The following STIM1 variants were observed in gnomAD, a reference collection of about 807,000 sequenced individuals.
The protein encoded by STIM1 is stromal interaction molecule 1.
Under a neutral mutation model 74.7 loss-of-function variants are expected in STIM1, and 25 were observed. That is an observed-to-expected ratio of 0.33 (90% CI 0.24 to 0.47). The LOEUF (loss-of-function observed/expected upper bound fraction) is 0.47. STIM1 is among the 20% of genes least tolerant of loss of function. STIM1 has a pLI of 1.00. For synonymous variants in STIM1, 328 were observed against 348.8 expected (o/e 0.94, Z 0.66); for missense variants, 728 against 920.8 (o/e 0.79, Z 2.71).
At chr11:4,058,866 A>C in intron 4 of STIM1, 1 of 1,048,658 alleles carries the variant, frequency 9.5e-7, no homozygotes, top group Non-Finnish European at 1.2e-6. Context: ...AGGATAATTC[A>C]TAAATCCCAG....
chr11:3,964,601 C>T (rs1470125040), intron 1 of STIM1, among the ~76,000 whole-genome samples: 2 of 152,162 alleles, frequency 1.3e-5, no homozygotes, highest in Non-Finnish European at 2.9e-5. Flanking sequence ...AGCCTGGAGG[C>T]CCCAAACCCT....
chr11:3,911,300 T>G (rs999135351), intron 1 of STIM1, among the ~76,000 whole-genome samples: 1 of 152,252 alleles, frequency 6.6e-6, no homozygotes, highest in African/African-American at 2.4e-5. Context: ...CAATCTGGTG[T>G]TCCTGGCATT....
chr11:3,889,651 G>C (rs2091838157), intron 1 of STIM1, among the ~76,000 whole-genome samples: 1 of 152,114 alleles, frequency 6.6e-6, no homozygotes, highest in Non-Finnish European at 1.5e-5. Context: ...AAAATAAGAG[G>C]TTAAATTACT....
At chr11:3,938,748 G>A (rs567697830) in intron 1 of STIM1, among the ~76,000 whole-genome samples, 9 of 152,274 alleles carry the variant, frequency 5.9e-5, no homozygotes, top group African/African-American at 2.4e-5. Flanking sequence ...TCAGAAGGCC[G>A]AGGCAGGAGA....
At chr11:3,943,952 A>T (rs1391934803) in intron 1 of STIM1, among the ~76,000 whole-genome samples, 1 of 152,268 alleles carries the variant, frequency 6.6e-6, no homozygotes, top group Admixed American at 6.5e-5. Flanking sequence ...TCTATATTGA[A>T]GTACAAGCTA....
intron 1 of STIM1, among the ~76,000 whole-genome samples, chr11:3,861,559 AATG>A (rs2090612713): frequency 6.6e-6 from 1 of 152,160 alleles, no homozygotes; most frequent in Admixed American, 6.5e-5. Context: ...ATTTAGAAGT[AATG>A]ATGAGTGTAA....
At position 3,937,789 on chromosome 11, in the gene STIM1, A is replaced by G. The variant is rs563143117; in HGVS notation, c.140-29763A>G. Among the ~76,000 whole-genome samples the G allele has an allele frequency of 1.1e-3, 172 of 152,252 alleles. 1 individual carries two copies. The highest frequency in any genetic ancestry group is 3.9e-3 in the African/African-American group (164 of 41,546). The stretch of plus-strand genomic sequence containing the variant: ...AAGTCTAGAAGTGTTTCTAGCTTCC[A>G]CCACATTCTAGCTCCAGAACCTTCT... On this transcript the variant is annotated intron_variant, in intron 1 of 12. Coordinates refer to ENST00000526596, the MANE Select transcript of STIM1 (RefSeq NM_001382567.1).
chr11:3,889,846 G>A (rs556468354), intron 1 of STIM1, among the ~76,000 whole-genome samples: 1 of 152,216 alleles, frequency 6.6e-6, no homozygotes, highest in African/African-American at 2.4e-5. Flanking sequence ...TATAGATAAG[G>A]ATAATATAAG....
intron 5 of STIM1, among the ~76,000 whole-genome samples, chr11:4,069,075 A>C (rs10742229): frequency 0.81 from 123,254 of 152,110 alleles, 51,856 homozygotes; most frequent in East Asian, 0.95. Flanking sequence ...GCCCACAGCA[A>C]AACCTAGACA....
intron 3 of STIM1, among the ~76,000 whole-genome samples, chr11:4,047,820 CTTTT>C (rs551025610): frequency 4.5e-5 from 6 of 133,074 alleles, no homozygotes; most frequent in African/African-American, 8.3e-5. Context: ...ACCTGTCTCT[CTTTT>C]TTTTTTTTTT....
rs564819178 is a variant in STIM1, at chr11:4,016,510, A to G, written c.271-7363A>G. On this transcript the variant is annotated intron_variant, in intron 2 of 12. Transcript: ENST00000526596. ...CAGTCAGGCTACACGGGTGTCAGGG[A>G]CCCACTTGAGGAGGCAGTCTGTCCA... Among the ~76,000 whole-genome samples, 495 of 152,272 alleles carry G rather than the reference A, an allele frequency of 3.3e-3. 1 individual carries two copies. The highest frequency in any genetic ancestry group is 7.6e-3 in the Admixed American group (116 of 15,298).
At chr11:4,016,766 C>A (rs11030631) in intron 2 of STIM1, among the ~76,000 whole-genome samples, 1 of 152,088 alleles carries the variant, frequency 6.6e-6, no homozygotes, top group African/African-American at 2.4e-5. Context: ...CTACTCAAGC[C>A]TCAGCAATGG....
chr11:3,926,238 C>T (rs59108256), intron 1 of STIM1, among the ~76,000 whole-genome samples: 5,546 of 152,138 alleles, frequency 0.036, 303 homozygotes, highest in African/African-American at 0.12. Flanking sequence ...TGAGTGACTG[C>T]AGATACTGAT....
At chr11:4,012,644 T>G (rs2093849604) in intron 2 of STIM1, among the ~76,000 whole-genome samples, 1 of 152,242 alleles carries the variant, frequency 6.6e-6, no homozygotes, top group African/African-American at 2.4e-5. Flanking sequence ...TGGGGTTTTC[T>G]AAATATACAA....
rs770272305 is a variant in STIM1, at chr11:4,070,115, C to T, written c.703C>T (p.Arg235Cys). 8.7e-6 allele frequency: 14 copies of T among 1,614,006 alleles called. No individual in the cohort carries two copies. Among genetic ancestry groups the T allele is most frequent in the East Asian group, 2.2e-5 (1 of 44,890 alleles). The change falls in exon 6 of 13, where the codon CGT (arginine) becomes TGT (cysteine). Residue 235 changes from arginine (R) to cysteine (C), a missense_variant. Physicochemically the swap from Arg to Cys is radical, Grantham distance 180. Coordinates refer to ENST00000526596, the MANE Select transcript of STIM1 (RefSeq NM_001382567.1). ...CTGCTGGTTTGCCTATATCCAGAAC[C>T]GTTACTCCAAGGAGCACATGAAGAA... Reference protein sequence around the residue: ...GGCWFAYIQNRYSKEHMKKMM... With the variant: ...GGCWFAYIQNCYSKEHMKKMM...
chr11:3,987,735 A>G (rs775128610), intron 2 of STIM1, among the ~76,000 whole-genome samples: 2 of 151,792 alleles, frequency 1.3e-5, no homozygotes, highest in Non-Finnish European at 2.9e-5. Context: ...GGAACTCCCA[A>G]TGCCTGCACT....
rs1157096857 is a variant in STIM1 at position 4,018,458 on chromosome 11, C to CAAA, written c.271-5389_271-5387dup. On this transcript the variant is annotated intron_variant, in intron 2 of 12. Transcript: ENST00000526596. Reference sequence around the variant, plus strand: ...TGGGCGACAGAGCGAGACTCCGTCTCAAAAAAAAAAAAAAAAAAAAAAAAA... The same window carrying CAAA: ...TGGGCGACAGAGCGAGACTCCGTCTCAAAAAAAAAAAAAAAAAAAAAAAAAAAA... Among the ~76,000 whole-genome samples the CAAA allele has an allele frequency of 1.4e-3, 29 of 20,542 alleles. 1 individual carries two copies. Among genetic ancestry groups the CAAA allele is most frequent in the Non-Finnish European group, 1.9e-3 (14 of 7,272 alleles). The allele number at this position is 20,542 out of a possible 152,430, so 13.5% of individuals were successfully genotyped here.
intron 2 of STIM1, among the ~76,000 whole-genome samples, chr11:4,013,467 G>C (rs180679809): frequency 3.8e-4 from 58 of 151,802 alleles, no homozygotes; most frequent in African/African-American, 1.3e-3. Context: ...TGTATGTGTC[G>C]AGGAATTTAT....
intron 1 of STIM1, among the ~76,000 whole-genome samples, chr11:3,881,742 G>A (rs2091511308): frequency 6.6e-6 from 1 of 152,012 alleles, no homozygotes. Context: ...GGAGTGCAGT[G>A]GTGTGCTTTC....
Sources: gnomAD v4.1 joint callset for allele counts (sites outside exome capture counted in the v4.1 genomes callset) on GRCh38, gnomAD v4.1.1 for gene constraint, MANE v1.5 for transcripts, NCBI Gene and HGNC (gene_info 2026-07-23, HGNC 2026-07-21) for gene names.